Variants in SUCLG2 observed in about 807,000 individuals in gnomAD.
The protein encoded by SUCLG2 is succinate--CoA ligase [GDP-forming] subunit beta, mitochondrial.
In SUCLG2, 42 loss-of-function variants were observed where a neutral mutation model predicts 47.9. The observed-to-expected ratio is 0.88, with a 90% CI of 0.69 to 1.14. SUCLG2 has a LOEUF of 1.14. Among genes scored for constraint, SUCLG2 ranks in the 50% most tolerant of loss-of-function variants. The probability of loss-of-function intolerance (pLI) is 0.00; values close to 1 mark genes in which losing one functional copy is unlikely to be tolerated. For missense variants in SUCLG2, 571 were observed against 525.9 expected (o/e 1.09, Z -0.84); for synonymous variants, 195 against 197.3 (o/e 0.99, Z 0.10).
At position 67,529,156 on chromosome 3, in the gene SUCLG2, A is replaced by C. The variant is rs1332849825; in HGVS notation, c.257T>G (p.Ile86Ser). 1 of 1,612,406 alleles carries C rather than the reference A, an allele frequency of 6.2e-7. No individual in the cohort carries two copies. Among genetic ancestry groups the C allele is most frequent in the African/African-American group, 1.3e-5 (1 of 74,762 alleles). Residue 86 changes from isoleucine (I) to serine (S), a missense_variant, in exon 3 of 11, where the codon ATC becomes AGC. Coordinates refer to ENST00000307227, the MANE Select transcript of SUCLG2 (RefSeq NM_003848.4). ...ACCTTTTCCTCTTCCTCCAGCTAAGATCTGGGCTTTTAAAACAATTTCTTT... is the reference window on the plus strand; with the variant it reads ...ACCTTTTCCTCTTCCTCCAGCTAAGCTCTGGGCTTTTAAAACAATTTCTTT... ...NAKEIVLKAQILAGGRGKGVF... is the reference protein window; with the variant it reads ...NAKEIVLKAQSLAGGRGKGVF...
At chr3:67,471,656 A>T (rs943849720) in intron 9 of SUCLG2, among the ~76,000 whole-genome samples, 3 of 152,138 alleles carry the variant, frequency 2.0e-5, no homozygotes, top group Admixed American at 1.3e-4. Flanking sequence ...ATGATGATGA[A>T]GAAGAAGAAG....
At chr3:67,469,169 C>A (rs921618264) in intron 9 of SUCLG2, among the ~76,000 whole-genome samples, 1 of 152,082 alleles carries the variant, frequency 6.6e-6, no homozygotes, top group Non-Finnish European at 1.5e-5. Flanking sequence ...GGTAGGCTGG[C>A]GAGTTGGGCA....
intron 10 of SUCLG2, 115 bp downstream of exon 10, chr3:67,400,616 T>C: frequency 3.5e-6 from 5 of 1,448,534 alleles, no homozygotes. Flanking sequence ...TTGTTTCATC[T>C]TACACAATCT....
intron 10 of SUCLG2, among the ~76,000 whole-genome samples, chr3:67,394,727 C>G (rs1274201486): frequency 1.3e-5 from 2 of 151,086 alleles, no homozygotes; most frequent in African/African-American, 4.9e-5. Context: ...TTGTCAGATT[C>G]ACCAAAGTTG....
At chr3:67,567,138 C>T (rs905769819) in intron 2 of SUCLG2, among the ~76,000 whole-genome samples, 40 of 151,660 alleles carry the variant, frequency 2.6e-4, no homozygotes, top group Admixed American at 1.7e-3. Flanking sequence ...GCGCCAAGAT[C>T]GCGCCACTGC....
At chr3:67,427,812 T>G (rs1703346734) in intron 9 of SUCLG2, among the ~76,000 whole-genome samples, 1 of 152,158 alleles carries the variant, frequency 6.6e-6, no homozygotes, top group African/African-American at 2.4e-5. Context: ...CACCAGGAGA[T>G]TATGTCCCAT....
chr3:67,454,210 G>A (rs544677538), intron 9 of SUCLG2, among the ~76,000 whole-genome samples: 129 of 152,234 alleles, frequency 8.5e-4, no homozygotes, highest in African/African-American at 2.9e-3. Flanking sequence ...GTACAGGGAC[G>A]AGGGACGACA....
chr3:67,475,340 A>C (rs1005941327), intron 9 of SUCLG2, among the ~76,000 whole-genome samples: 3 of 152,194 alleles, frequency 2.0e-5, no homozygotes, highest in African/African-American at 4.8e-5. Context: ...TCATTGCAAA[A>C]ATGGCAAGGA....
chr3:67,397,554 T>C (rs1256964141), intron 10 of SUCLG2, among the ~76,000 whole-genome samples: 5 of 152,186 alleles, frequency 3.3e-5, no homozygotes, highest in South Asian at 2.1e-4. Context: ...TCCATGCTCA[T>C]GGATAGGAAG....
rs2107313196 is a variant in SUCLG2 at position 67,609,571 on chromosome 3, C to T, written c.110G>A (p.Trp37Ter). Reference sequence around the variant, plus strand: ...GCTCTGGTATTCCTGCAGGTTCAGCCATCTTCTGGAGGTTAATTGAACTGC... The same window carrying T: ...GCTCTGGTATTCCTGCAGGTTCAGCTATCTTCTGGAGGTTAATTGAACTGC... ...SQAVQLTSRR[W>*]LNLQEYQSKK... Residue 37 changes from tryptophan (W) to a stop codon, truncating the protein, a stop_gained, in exon 2 of 11, where the codon TGG becomes TAG. Coordinates refer to ENST00000307227, the MANE Select transcript of SUCLG2 (RefSeq NM_003848.4). LOFTEE classifies it high-confidence loss of function. 1 of 1,613,798 alleles carries T rather than the reference C, an allele frequency of 6.2e-7. No individual in the cohort carries two copies. Among genetic ancestry groups the T allele is most frequent in the East Asian group, 2.2e-5 (1 of 44,874 alleles).
intron 1 of SUCLG2, among the ~76,000 whole-genome samples, chr3:67,648,455 C>A (rs1349291086): frequency 1.8e-4 from 27 of 152,152 alleles, no homozygotes; most frequent in Non-Finnish European, 4.0e-4. Context: ...CTAGTTCAGC[C>A]CAACTAGGAT....
intron 2 of SUCLG2, among the ~76,000 whole-genome samples, chr3:67,592,517 G>A (rs999478661): frequency 1.3e-5 from 2 of 151,970 alleles, no homozygotes; most frequent in Admixed American, 6.5e-5. Flanking sequence ...GACCAAATAT[G>A]CCGAGCAAGT....
intron 10 of SUCLG2, chr3:67,376,124 A>C (rs1272909056): frequency 1.2e-5 from 12 of 985,278 alleles, no homozygotes; most frequent in Non-Finnish European, 1.4e-5. Flanking sequence ...TTGTCTGCTG[A>C]TAATCACAGC....
chr3:67,426,738 G>T (rs1703309632), intron 9 of SUCLG2, among the ~76,000 whole-genome samples: 1 of 152,064 alleles, frequency 6.6e-6, no homozygotes, highest in South Asian at 2.1e-4. Context: ...GACCATCCTG[G>T]CCAACATGGT....
At chr3:67,438,750 C>G (rs1422696092) in intron 9 of SUCLG2, among the ~76,000 whole-genome samples, 1 of 152,052 alleles carries the variant, frequency 6.6e-6, no homozygotes, top group African/African-American at 2.4e-5. Flanking sequence ...AATTAATAGC[C>G]TATCAACCAA....
At chr3:67,619,673 T>C (rs1168470726) in intron 1 of SUCLG2, among the ~76,000 whole-genome samples, 1 of 152,148 alleles carries the variant, frequency 6.6e-6, no homozygotes, top group Non-Finnish European at 1.5e-5. Context: ...TTATCCTAGG[T>C]TCAGCAGAAA....
At chr3:67,432,844 C>T (rs1703521228) in intron 9 of SUCLG2, among the ~76,000 whole-genome samples, 1 of 152,178 alleles carries the variant, frequency 6.6e-6, no homozygotes, top group Non-Finnish European at 1.5e-5. Flanking sequence ...GAAATGGAAC[C>T]TTTGTTATTT....
At chr3:67,592,718 CAA>C (rs754866312) in intron 2 of SUCLG2, among the ~76,000 whole-genome samples, 2 of 80,256 alleles carry the variant, frequency 2.5e-5, no homozygotes, top group South Asian at 4.1e-4. Flanking sequence ...TCACATCCTC[CAA>C]AAAAAAAAAA....
At chr3:67,418,842 C>T (rs1460642697) in intron 9 of SUCLG2, among the ~76,000 whole-genome samples, 1 of 152,120 alleles carries the variant, frequency 6.6e-6, no homozygotes, top group Non-Finnish European at 1.5e-5. Context: ...CGGCCTGGAC[C>T]TCTCCTGGAA....
Sources: allele counts gnomAD v4.1 joint callset (sites outside exome capture counted in the v4.1 genomes callset), GRCh38; gene constraint gnomAD v4.1.1; transcripts MANE v1.5; gene names NCBI Gene and HGNC (gene_info 2026-07-23, HGNC 2026-07-21).